Variants in MBD5 observed in about 807,000 individuals in gnomAD.
MBD5 encodes methyl-CpG binding domain protein 5.
In MBD5, 13 loss-of-function variants were observed where a neutral mutation model predicts 117.3. The ratio of observed to expected loss-of-function variants is 0.11; its 90% CI spans 0.07 to 0.18. The LOEUF is 0.18. Ranked by LOEUF, MBD5 falls within the 10% of genes least tolerant of loss-of-function variation. The probability of loss-of-function intolerance (pLI) is 1.00; values close to 1 mark genes in which losing one functional copy is unlikely to be tolerated. For missense variants in MBD5, 1,879 were observed against 2,093.8 expected (o/e 0.90, Z 2.00); for synonymous variants, 727 against 766.4 (o/e 0.95, Z 0.85).
chr2:148,299,090 C>T (rs948521379), intron 3 of MBD5, among the ~76,000 whole-genome samples: 3 of 152,064 alleles, frequency 2.0e-5, no homozygotes, highest in African/African-American at 7.2e-5. Context: ...TAGAACCTCC[C>T]AGCAGAAGGT....
chr2:148,139,192 G>C (rs1232033393), intron 1 of MBD5, among the ~76,000 whole-genome samples: 1 of 151,902 alleles, frequency 6.6e-6, no homozygotes, highest in Non-Finnish European at 1.5e-5. Flanking sequence ...TGAGTATATT[G>C]TCCCAAGATG....
chr2:148,021,742 G>A (rs1402576809), intron 1 of MBD5, 58 bp downstream of exon 1: 3 of 297,326 alleles, frequency 1.0e-5, no homozygotes, highest in Non-Finnish European at 2.0e-5. Flanking sequence ...TCACTCCGGG[G>A]CAACAGTAGC....
At chr2:148,182,084 C>T (rs1040674474) in intron 2 of MBD5, among the ~76,000 whole-genome samples, 5 of 151,796 alleles carry the variant, frequency 3.3e-5, no homozygotes, top group Non-Finnish European at 1.5e-5. Context: ...ACTATGTTAA[C>T]GAGTAGTAGT....
chr2:148,202,963 GA>G (rs1389704265), intron 2 of MBD5, among the ~76,000 whole-genome samples: 3 of 152,098 alleles, frequency 2.0e-5, no homozygotes, highest in Non-Finnish European at 4.4e-5. Flanking sequence ...AAATTAGCCA[GA>G]TGTGGTGGCA....
intron 4 of MBD5, among the ~76,000 whole-genome samples, chr2:148,436,315 T>TA (rs1460123575): frequency 1.3e-5 from 2 of 152,198 alleles, no homozygotes; most frequent in Non-Finnish European, 2.9e-5. Context: ...TTTGAAGAAA[T>TA]AAAAAACATC....
chr2:148,134,110 A>G (rs1341878927), intron 1 of MBD5, among the ~76,000 whole-genome samples: 1 of 152,146 alleles, frequency 6.6e-6, no homozygotes, highest in East Asian at 1.9e-4. Context: ...ATGGCCGTGT[A>G]TTAGCCAGTC....
At chr2:148,124,587 A>G (rs1016612705) in intron 1 of MBD5, among the ~76,000 whole-genome samples, 4 of 152,178 alleles carry the variant, frequency 2.6e-5, no homozygotes, top group African/African-American at 4.8e-5. Context: ...CAAAAAAGAA[A>G]GAATAATTAC....
chr2:148,162,131 A>G (rs535832849), intron 1 of MBD5, among the ~76,000 whole-genome samples: 1 of 152,362 alleles, frequency 6.6e-6, no homozygotes, highest in South Asian at 2.1e-4. Flanking sequence ...GGCAGGTTTC[A>G]GCATATAAAT....
intron 3 of MBD5, among the ~76,000 whole-genome samples, chr2:148,263,316 C>T (rs896607348): frequency 1.3e-5 from 2 of 152,018 alleles, no homozygotes; most frequent in African/African-American, 4.8e-5. Flanking sequence ...CAAAATATAT[C>T]GTGGCACAAA....
chr2:148,359,081 G>A (rs188427987), intron 4 of MBD5, among the ~76,000 whole-genome samples: 1 of 152,124 alleles, frequency 6.6e-6, no homozygotes, highest in Non-Finnish European at 1.5e-5. Flanking sequence ...GGGCGACATG[G>A]TGAAACCCCA....
intron 3 of MBD5, among the ~76,000 whole-genome samples, chr2:148,276,450 C>G (rs1282051641): frequency 6.6e-6 from 1 of 152,166 alleles, no homozygotes; most frequent in Non-Finnish European, 1.5e-5. Flanking sequence ...TGGTTTATCT[C>G]TCACCATACA....
rs1682337380 is a variant in MBD5, at chr2:148,516,032, G to A, written c.*3091G>A. On this transcript the variant is annotated 3_prime_UTR_variant, in exon 14 of 14. Coordinates refer to ENST00000642680, the MANE Select transcript of MBD5 (RefSeq NM_001378120.1). ...ACTTTTAGTCTTTTATTTGGACCCTGACTTTGAGTTTTTGCTATGCCTGTT... is the reference window on the plus strand; with the variant it reads ...ACTTTTAGTCTTTTATTTGGACCCTAACTTTGAGTTTTTGCTATGCCTGTT... 6.6e-6 allele frequency: 1 copy of A among 152,156 alleles called. No homozygotes were observed. The highest frequency in any genetic ancestry group is 2.4e-5 in the African/African-American group (1 of 41,428). 9.4% of individuals were successfully genotyped at this position (152,156 alleles called of 1,614,324 possible). A position where few individuals can be genotyped will look rare whatever the true frequency, so the allele number is the denominator to read the frequency against.
At chr2:148,159,521 A>C (rs1697955608) in intron 1 of MBD5, among the ~76,000 whole-genome samples, 1 of 151,524 alleles carries the variant, frequency 6.6e-6, no homozygotes, top group South Asian at 2.1e-4. Context: ...CCTGAGCTCA[A>C]GCGATCCACC....
intron 1 of MBD5, among the ~76,000 whole-genome samples, chr2:148,114,843 G>A (rs1417042283): frequency 6.6e-6 from 1 of 151,640 alleles, no homozygotes; most frequent in African/African-American, 2.4e-5. Flanking sequence ...TCTTAAATTG[G>A]AAATGTCTTT....
At chr2:148,061,333 G>A (rs1695029105) in intron 1 of MBD5, among the ~76,000 whole-genome samples, 1 of 151,858 alleles carries the variant, frequency 6.6e-6, no homozygotes, top group Non-Finnish European at 1.5e-5. Flanking sequence ...CTCTTTTTAA[G>A]TCCACTTTAT....
intron 3 of MBD5, among the ~76,000 whole-genome samples, chr2:148,272,604 G>A (rs1270129762): frequency 6.6e-6 from 1 of 151,952 alleles, no homozygotes; most frequent in Non-Finnish European, 1.5e-5. Context: ...GTCTATTCAG[G>A]TCCTTTGCGC....
intron 1 of MBD5, among the ~76,000 whole-genome samples, chr2:148,038,032 GATC>G (rs1694243542): frequency 6.6e-6 from 1 of 151,856 alleles, no homozygotes; most frequent in African/African-American, 2.4e-5. Flanking sequence ...CAATGTTTTG[GATC>G]AGGAGAAAGA....
intron 1 of MBD5, among the ~76,000 whole-genome samples, chr2:148,105,082 A>C (rs1318032491): frequency 6.6e-6 from 1 of 152,126 alleles, no homozygotes; most frequent in Non-Finnish European, 1.5e-5. Flanking sequence ...CAGTTTCAGT[A>C]AGCTGTATTT....
chr2:148,383,007 A>T (rs1704205153), intron 4 of MBD5, among the ~76,000 whole-genome samples: 1 of 151,818 alleles, frequency 6.6e-6, no homozygotes, highest in Non-Finnish European at 1.5e-5. Context: ...AAAGCAGGAA[A>T]GATCTAAAAT....
Sources: gnomAD v4.1 joint callset for allele counts (sites outside exome capture counted in the v4.1 genomes callset) on GRCh38, gnomAD v4.1.1 for gene constraint, MANE v1.5 for transcripts, NCBI Gene and HGNC (gene_info 2026-07-23, HGNC 2026-07-21) for gene names.